Variants in RAPGEF6 observed in about 807,000 individuals in gnomAD.
RAPGEF6 encodes PDZ domain containing guanine nucleotide exchange factor (GEF) 2.
A neutral mutation model predicts 171.4 loss-of-function variants in RAPGEF6; 56 were observed. The observed-to-expected ratio is 0.33, with a 90% CI of 0.26 to 0.41. The LOEUF is 0.41. Among genes scored for constraint, RAPGEF6 ranks in the 10% least tolerant of loss-of-function variants. The pLI is 1.00. For synonymous variants in RAPGEF6, 692 were observed against 650.1 expected, an observed-to-expected ratio of 1.06 and a Z score of -0.98; for missense variants, 1,674 against 1,921.4, an observed-to-expected ratio of 0.87 and a Z score of 2.41.
chr5:131,634,863 C>T, intron 1 of RAPGEF6, 99 bp downstream of exon 1: 2 of 1,349,680 alleles, frequency 1.5e-6, no homozygotes, highest in Non-Finnish European at 2.1e-6. Context: ...GTAGCAGGTG[C>T]GAGACTCTGG....
intron 6 of RAPGEF6, among the ~76,000 whole-genome samples, chr5:131,528,323 A>ATTTATATATTTATATAT (rs879860700): frequency 1.8e-5 from 2 of 109,380 alleles, no homozygotes; most frequent in Non-Finnish European, 3.3e-5. Flanking sequence ...TTATATATAT[A>ATTTATATATTTATATAT]TATATATATA....
chr5:131,521,447 C>T lies in RAPGEF6; in HGVS notation c.570G>A (p.Gln190=). The T allele has an allele frequency of 7.4e-6, 12 of 1,612,450 alleles. No homozygotes were observed. Among genetic ancestry groups the T allele is most frequent in the Non-Finnish European group, 1.0e-5 (12 of 1,179,012 alleles). Residue 190 remains glutamine (Q), a synonymous_variant, in exon 7 of 28, where the codon CAG becomes CAA. Transcript: ENST00000509018. ...HPQVTHVSSS[Q]SGCSIASDSG... is the part of the protein sequence containing the mutation. Reference sequence around the variant, plus strand: ...AGTCACTGGCAATGCTACAACCAGACTGACTAGAAGACACATGAGTCACCT... The same window carrying T: ...AGTCACTGGCAATGCTACAACCAGATTGACTAGAAGACACATGAGTCACCT...
intron 17 of RAPGEF6, among the ~76,000 whole-genome samples, chr5:131,469,478 G>GA (rs1400819311): frequency 6.6e-6 from 1 of 151,990 alleles, no homozygotes; most frequent in Non-Finnish European, 1.5e-5. Context: ...TGCAGATATA[G>GA]AAAAAAATTC....
At chr5:131,468,094 G>A (rs1219346149) in intron 17 of RAPGEF6, among the ~76,000 whole-genome samples, 4 of 151,722 alleles carry the variant, frequency 2.6e-5, no homozygotes, top group Non-Finnish European at 4.4e-5. Context: ...TTGGGAGGCC[G>A]AGGTGGGCGG....
intron 7 of RAPGEF6, among the ~76,000 whole-genome samples, chr5:131,514,988 T>C (rs1757982990): frequency 6.6e-6 from 1 of 152,220 alleles, no homozygotes; most frequent in Non-Finnish European, 1.5e-5. Context: ...TGAATGTGTC[T>C]CTGTATACAT....
At chr5:131,504,377 G>A (rs1485385469) in intron 11 of RAPGEF6, among the ~76,000 whole-genome samples, 2 of 151,812 alleles carry the variant, frequency 1.3e-5, no homozygotes, top group African/African-American at 2.4e-5. Flanking sequence ...CAGGAGAATC[G>A]CTTGAACCTG....
intron 17 of RAPGEF6, among the ~76,000 whole-genome samples, chr5:131,467,139 A>C (rs1226291349): frequency 6.6e-6 from 1 of 152,190 alleles, no homozygotes; most frequent in East Asian, 1.9e-4. Context: ...ATTTGTACAC[A>C]TTTCATGTTC....
Position 131,469,535 on chromosome 5 carries a change from AT to A in RAPGEF6, c.2239+3051del, listed in dbSNP as rs1391701719. 5.3e-5 allele frequency among the ~76,000 whole-genome samples: 8 copies of A among 152,092 alleles called. 1 individual carries two copies. The highest frequency in any genetic ancestry group is 1.2e-4 in the Non-Finnish European group (8 of 67,982). On this transcript the variant is annotated intron_variant, in intron 17 of 27. Transcript: ENST00000509018. Reference sequence around the variant, plus strand: ...ACACTCCTAATTTTTTTTAGGACTCATTTTGTATTGAGTCAGAAATCCCAAA... The same window carrying A: ...ACACTCCTAATTTTTTTTAGGACTCATTTGTATTGAGTCAGAAATCCCAAA...
rs761317392 is a variant in RAPGEF6 at position 131,427,402 on chromosome 5, T to C, written c.4781-111A>G. 2.3e-5 allele frequency: 21 copies of C among 898,512 alleles called. No homozygotes were observed. In the East Asian group the frequency reaches 4.5e-4, roughly 19 times the overall value. 55.7% of individuals were successfully genotyped at this position (898,512 alleles called of 1,614,324 possible). A position where few individuals can be genotyped will look rare whatever the true frequency, so the allele number is the denominator to read the frequency against. On this transcript the variant is annotated intron_variant, in intron 27 of 27. Coordinates refer to ENST00000509018, the MANE Select transcript of RAPGEF6 (RefSeq NM_016340.6). ...GTCAACAAAGAAATCCTCTCAAACA[T>C]TGCATCGAGGCCCAGATTTTATTAT...
chr5:131,436,736 T>C (rs926527865), intron 24 of RAPGEF6, among the ~76,000 whole-genome samples: 1 of 152,176 alleles, frequency 6.6e-6, no homozygotes, highest in Admixed American at 6.5e-5. Flanking sequence ...AGTAACTATG[T>C]AGGTCTAGAA....
In RAPGEF6 at chr5:131,501,271, G is replaced by A. The variant is rs538380288; in HGVS notation, c.1255-2664C>T. On this transcript the variant is annotated intron_variant, in intron 11 of 27. Coordinates refer to ENST00000509018, the MANE Select transcript of RAPGEF6 (RefSeq NM_016340.6). ...GAGTTGCCTGAACCCAGGAGGCAGA[G>A]GTTGCAGTGAGCCAAGATCGTGCCA... 1.6e-3 allele frequency among the ~76,000 whole-genome samples: 241 copies of A among 152,054 alleles called. 1 individual carries two copies. Among genetic ancestry groups the A allele is most frequent in the African/African-American group, 5.6e-3 (233 of 41,492 alleles).
At chr5:131,441,071 T>C (rs1033051423) in intron 23 of RAPGEF6, among the ~76,000 whole-genome samples, 4 of 152,224 alleles carry the variant, frequency 2.6e-5, no homozygotes, top group Non-Finnish European at 1.5e-5. Flanking sequence ...ATCTCTTCAA[T>C]GGCTTCTCAA....
chr5:131,629,491 T>C (rs1766158953), intron 1 of RAPGEF6, among the ~76,000 whole-genome samples: 1 of 149,986 alleles, frequency 6.7e-6, no homozygotes, highest in African/African-American at 2.5e-5. Context: ...AAATAGAGCC[T>C]GGGCTGGCTC....
At chr5:131,587,157 G>A (rs530478170) in intron 4 of RAPGEF6, among the ~76,000 whole-genome samples, 2 of 152,306 alleles carry the variant, frequency 1.3e-5, no homozygotes, top group Admixed American at 6.5e-5. Flanking sequence ...TGTGAGCCTA[G>A]TATTTCATGG....
At chr5:131,615,135 A>T (rs1161088284) in intron 1 of RAPGEF6, among the ~76,000 whole-genome samples, 1 of 152,236 alleles carries the variant, frequency 6.6e-6, no homozygotes, top group Non-Finnish European at 1.5e-5. Context: ...AGTGGGATCT[A>T]TGTCACTCTG....
In RAPGEF6 at chr5:131,446,511, T is replaced by A. The variant is rs576960507; in HGVS notation, c.3393A>T (p.Ser1131=). The change falls in exon 22 of 28, where the codon TCA becomes TCT. Residue 1131 remains serine, a synonymous_variant. Coordinates refer to ENST00000509018, the MANE Select transcript of RAPGEF6 (RefSeq NM_016340.6). The stretch of plus-strand genomic sequence containing the variant: ...TACCATATGCAGGCTCCCACTGTAA[T>A]GACATCATCTGGAACTTCTCCTCAT... ...ETDEEKFQMM[S]LQWEPAYGTL... is the part of the protein sequence containing the mutation. The A allele has an allele frequency of 2.7e-5, 43 of 1,614,222 alleles. No individual in the cohort carries two copies. The South Asian group carries it at 4.7e-4, about 18-fold the overall frequency.
chr5:131,594,608 T>C (rs978418240), intron 3 of RAPGEF6, among the ~76,000 whole-genome samples: 2 of 152,042 alleles, frequency 1.3e-5, no homozygotes, highest in African/African-American at 2.4e-5. Flanking sequence ...CAGTTTGCAC[T>C]AGGAGCCTAG....
At chr5:131,480,767 C>T (rs892521505) in intron 15 of RAPGEF6, among the ~76,000 whole-genome samples, 4 of 151,976 alleles carry the variant, frequency 2.6e-5, no homozygotes, top group African/African-American at 9.7e-5. Context: ...GCATGAGCCA[C>T]CATGCCCGGC....
chr5:131,496,229 T>C (rs1415761887), intron 12 of RAPGEF6, among the ~76,000 whole-genome samples: 2 of 152,224 alleles, frequency 1.3e-5, no homozygotes, highest in African/African-American at 4.8e-5. Context: ...TCTTTCATTA[T>C]AAACACTGTA....
Sources: allele counts gnomAD v4.1 joint callset (sites outside exome capture counted in the v4.1 genomes callset), GRCh38; gene constraint gnomAD v4.1.1; transcripts MANE v1.5; gene names NCBI Gene and HGNC (gene_info 2026-07-23, HGNC 2026-07-21).